Variants in DMD observed in about 807,000 individuals in gnomAD.
The protein encoded by DMD is mutant dystrophin.
DMD carries 63 observed loss-of-function variants against 330.1 expected under a neutral mutation model. That is an observed-to-expected ratio of 0.19 (90% CI 0.16 to 0.24). The LOEUF is 0.24. Among genes scored for constraint, DMD ranks in the 10% least tolerant of loss-of-function variants. The probability of loss-of-function intolerance (pLI) is 1.00; values close to 1 mark genes in which losing one functional copy is unlikely to be tolerated. For missense variants in DMD, 3,344 were observed against 2,684.1 expected, an observed-to-expected ratio of 1.25 and a Z score of -5.43; for synonymous variants, 1,223 against 959.8, an observed-to-expected ratio of 1.27 and a Z score of -5.07.
intron 49 of DMD, among the ~76,000 whole-genome samples, chrX:31,831,070 A>T (rs918578893): frequency 1.8e-5 from 2 of 112,530 alleles, no homozygotes; most frequent in Non-Finnish European, 3.7e-5. Context: ...CTCTGTAAGA[A>T]GCTTTTTCCA....
intron 64 of DMD, among the ~76,000 whole-genome samples, chrX:31,212,641 C>A (rs1369112940): frequency 9.0e-6 from 1 of 111,553 alleles, no homozygotes; most frequent in East Asian, 2.8e-4. Context: ...TTGTCTTTTA[C>A]AGAGTGATAG....
chrX:32,127,761 C>A (rs1473267226), intron 44 of DMD, among the ~76,000 whole-genome samples: 1 of 112,210 alleles, frequency 8.9e-6, no homozygotes, highest in African/African-American at 3.2e-5. Flanking sequence ...GTTAAATCAC[C>A]TAAATACTCA....
At chrX:32,827,835 A>T (rs1217609948) in intron 4 of DMD, among the ~76,000 whole-genome samples, 1 of 109,868 alleles carries the variant, frequency 9.1e-6, no homozygotes, top group Non-Finnish European at 1.9e-5. Flanking sequence ...CTAATTTTGT[A>T]TTTTTAGTAG....
At chrX:32,783,207 C>CATATGTGTAT (rs2075000451) in intron 7 of DMD, among the ~76,000 whole-genome samples, 1 of 97,588 alleles carries the variant, frequency 1.0e-5, no homozygotes, top group African/African-American at 3.7e-5. Flanking sequence ...TACATATACA[C>CATATGTGTAT]ATATGTGTAT....
chrX:32,588,409 G>A (rs1453450729), intron 13 of DMD, among the ~76,000 whole-genome samples: 2 of 111,834 alleles, frequency 1.8e-5, no homozygotes. Flanking sequence ...AGAGTCGTCT[G>A]TTTAAACCCG....
At chrX:33,220,540 T>C (rs2148873500) in intron 1 of DMD, among the ~76,000 whole-genome samples, 1 of 111,956 alleles carries the variant, frequency 8.9e-6, no homozygotes, top group South Asian at 3.7e-4. Flanking sequence ...TTTACTCCCT[T>C]TTTGCATGTG....
At chrX:32,128,250 T>A (rs1003898472) in intron 44 of DMD, among the ~76,000 whole-genome samples, 4 of 112,147 alleles carry the variant, frequency 3.6e-5, no homozygotes, top group African/African-American at 1.3e-4. Context: ...CAATAAAACA[T>A]GTTTGTTTAC....
intron 13 of DMD, among the ~76,000 whole-genome samples, chrX:32,587,315 A>G (rs957865848): frequency 2.7e-5 from 3 of 111,750 alleles, no homozygotes; most frequent in Non-Finnish European, 5.6e-5. Context: ...CTCATGTTAC[A>G]CAAGTTAAAA....
chrX:33,155,891 C>A, intron 1 of DMD, among the ~76,000 whole-genome samples: 1 of 110,996 alleles, frequency 9.0e-6, no homozygotes, highest in African/African-American at 3.3e-5. Flanking sequence ...CGCGCCACCA[C>A]GCTTCAGCCC....
chrX:32,287,673 G>A lies in DMD; in HGVS notation c.6146C>T (p.Ser2049Leu). ...GCTATGAATAATGTCAATCCGACCT[G>A]AGCTTTGTTGTAGACTATCTTTTAT... is the stretch of plus-strand genomic sequence containing the variant. ...KNIKDSLQQSSGRIDIIHSKK... is the reference protein window; with the variant it reads ...KNIKDSLQQSLGRIDIIHSKK... The change falls in exon 43 of 79, where the codon TCA becomes TTA. Residue 2049 changes from serine (S) to leucine (L), a missense_variant. By Grantham distance (145) the Ser-to-Leu change is moderately radical. Transcript: ENST00000357033. The A allele has an allele frequency of 8.3e-7, 1 of 1,207,092 alleles. No individual in the cohort carries two copies. Among genetic ancestry groups the A allele is most frequent in the Non-Finnish European group, 1.1e-6 (1 of 892,453 alleles).
intron 59 of DMD, among the ~76,000 whole-genome samples, chrX:31,475,868 T>A (rs143588300): frequency 7.4e-4 from 83 of 111,509 alleles, no homozygotes; most frequent in African/African-American, 2.5e-3. Context: ...AAGGCAATGA[T>A]CAAGTCTGTT....
At chrX:32,900,373 ACT>A (rs2086129214) in intron 2 of DMD, among the ~76,000 whole-genome samples, 1 of 111,334 alleles carries the variant, frequency 9.0e-6, no homozygotes, top group Non-Finnish European at 1.9e-5. Context: ...AAGGGCCCTC[ACT>A]CTGTTTCCCA....
chrX:31,353,579 G>A (rs1483883790), intron 60 of DMD, among the ~76,000 whole-genome samples: 2 of 112,089 alleles, frequency 1.8e-5, no homozygotes, highest in Non-Finnish European at 3.8e-5. Flanking sequence ...TAAACTCTTG[G>A]ATTTCGAGTA....
intron 52 of DMD, among the ~76,000 whole-genome samples, chrX:31,721,698 C>A (rs867445669): frequency 0.18 from 11,669 of 65,591 alleles, 843 homozygotes; most frequent in Admixed American, 0.38. Flanking sequence ...CTCTCTCTCT[C>A]TCTCTCTCTC....
At chrX:32,429,625 T>C (rs1321814816) in intron 29 of DMD, among the ~76,000 whole-genome samples, 1 of 109,294 alleles carries the variant, frequency 9.1e-6, no homozygotes, top group Non-Finnish European at 1.9e-5. Context: ...TTTCTTGCTT[T>C]ACTGCGTACT....
At chrX:32,185,737 T>A (rs1397705539) in intron 44 of DMD, among the ~76,000 whole-genome samples, 6 of 110,821 alleles carry the variant, frequency 5.4e-5, no homozygotes, top group Non-Finnish European at 9.5e-5. Flanking sequence ...AACTTTTATT[T>A]AAAAAAACTG....
chrX:32,358,332 C>T (rs1167497636), intron 37 of DMD, among the ~76,000 whole-genome samples: 3 of 110,774 alleles, frequency 2.7e-5, no homozygotes, highest in African/African-American at 9.9e-5. Context: ...CTTATTTTCC[C>T]GATGGTATCC....
chrX:32,501,613 GAAT>G (rs1255597294), intron 19 of DMD, 139 bp downstream of exon 19: 3 of 489,435 alleles, frequency 6.1e-6, no homozygotes, highest in African/African-American at 2.4e-5. Flanking sequence ...ATTAAAAAAA[GAAT>G]AATAAAAAAC....
intron 15 of DMD, among the ~76,000 whole-genome samples, chrX:32,568,247 C>T (rs1352378711): frequency 1.8e-5 from 2 of 111,909 alleles, no homozygotes; most frequent in African/African-American, 3.2e-5. Context: ...TGGTGGCTCA[C>T]GCCTATAATC....
Sources: gnomAD v4.1 joint callset for allele counts (sites outside exome capture counted in the v4.1 genomes callset) on GRCh38, gnomAD v4.1.1 for gene constraint, MANE v1.5 for transcripts, NCBI Gene and HGNC (gene_info 2026-07-23, HGNC 2026-07-21) for gene names.